Variants in BTRC observed in about 807,000 individuals in gnomAD.
BTRC encodes beta-transducin repeat containing E3 ubiquitin protein ligase.
In BTRC, 42 loss-of-function variants were observed where a neutral mutation model predicts 85.5. The observed-to-expected ratio is 0.49, with a 90% CI of 0.38 to 0.64. BTRC has a LOEUF of 0.64. Ranked by LOEUF, BTRC falls within the 30% of genes least tolerant of loss-of-function variation. BTRC has a pLI of 0.00. For synonymous variants in BTRC, 255 were observed against 263.3 expected, an observed-to-expected ratio of 0.97 and a Z score of 0.30; for missense variants, 594 against 743.5, an observed-to-expected ratio of 0.80 and a Z score of 2.34.
chr10:101,459,064 A>T (rs1048171515), intron 2 of BTRC, among the ~76,000 whole-genome samples: 5 of 152,304 alleles, frequency 3.3e-5, no homozygotes, highest in African/African-American at 1.2e-4. Flanking sequence ...CCTCCTGAGC[A>T]GCTGGGATTA....
intron 6 of BTRC, among the ~76,000 whole-genome samples, chr10:101,526,804 C>CT (rs752378644): frequency 2.6e-5 from 4 of 152,146 alleles, no homozygotes; most frequent in Non-Finnish European, 5.9e-5. Flanking sequence ...GGAATAAGAA[C>CT]TCTAGCCATC....
At chr10:101,549,409 T>C (rs2062610591) in intron 13 of BTRC, among the ~76,000 whole-genome samples, 1 of 151,230 alleles carries the variant, frequency 6.6e-6, no homozygotes, top group Non-Finnish European at 1.5e-5. Flanking sequence ...CTAGCCTAGG[T>C]GACAAAACAA....
chr10:101,402,039 T>C (rs1943506086), intron 1 of BTRC, among the ~76,000 whole-genome samples: 1 of 152,104 alleles, frequency 6.6e-6, no homozygotes, highest in Admixed American at 6.6e-5. Context: ...TGAAAATGTT[T>C]TTATAGGAAG....
At chr10:101,516,593 GTTTATAC>G (rs1048307899) in intron 4 of BTRC, among the ~76,000 whole-genome samples, 4 of 152,176 alleles carry the variant, frequency 2.6e-5, no homozygotes, top group African/African-American at 7.2e-5. Context: ...TGAAATCTCA[GTTTATAC>G]TTTATGTCTA....
intron 1 of BTRC, among the ~76,000 whole-genome samples, chr10:101,405,254 A>G (rs113202450): frequency 2.1e-5 from 3 of 144,454 alleles, no homozygotes; most frequent in African/African-American, 7.6e-5. Context: ...AGGCTAGAGG[A>G]AAAAAAAAAA....
At chr10:101,423,571 G>A (rs1403005784) in intron 1 of BTRC, among the ~76,000 whole-genome samples, 1 of 152,164 alleles carries the variant, frequency 6.6e-6, no homozygotes, top group African/African-American at 2.4e-5. Flanking sequence ...TAAACTACTT[G>A]AGTCTGTGGA....
intron 1 of BTRC, among the ~76,000 whole-genome samples, chr10:101,380,339 A>AT (rs778286699): frequency 6.6e-5 from 10 of 152,212 alleles, no homozygotes; most frequent in African/African-American, 1.7e-4. Context: ...CATCCAGATC[A>AT]TGTGTCTCTT....
At chr10:101,384,390 G>A (rs913834820) in intron 1 of BTRC, among the ~76,000 whole-genome samples, 18 of 152,204 alleles carry the variant, frequency 1.2e-4, no homozygotes, top group African/African-American at 4.1e-4. Flanking sequence ...TTCACGCCCT[G>A]ATTAGTGCCA....
chr10:101,415,531 G>T (rs369406818), intron 1 of BTRC, among the ~76,000 whole-genome samples: 21,150 of 30,562 alleles, frequency 0.69, 7,126 homozygotes, highest in African/African-American at 0.78. Context: ...GTTATGTTAT[G>T]TTATGTTATG....
chr10:101,415,145 G>A (rs533134326), intron 1 of BTRC, among the ~76,000 whole-genome samples: 11 of 151,872 alleles, frequency 7.2e-5, no homozygotes, highest in African/African-American at 2.4e-4. Flanking sequence ...TCCATTCATG[G>A]TTAAGTGCCC....
chr10:101,498,972 A>C (rs908548882), intron 4 of BTRC, among the ~76,000 whole-genome samples: 2 of 152,048 alleles, frequency 1.3e-5, no homozygotes, highest in Non-Finnish European at 1.5e-5. Flanking sequence ...CAGCCTGGGC[A>C]ACAAGAGCGA....
chr10:101,431,401 G>T (rs1350458867), intron 2 of BTRC, among the ~76,000 whole-genome samples: 1 of 152,002 alleles, frequency 6.6e-6, no homozygotes, highest in East Asian at 1.9e-4. Flanking sequence ...TAGAGGCCAG[G>T]ATGTCAGTTC....
intron 3 of BTRC, among the ~76,000 whole-genome samples, chr10:101,465,524 A>G (rs1945350526): frequency 6.6e-6 from 1 of 152,196 alleles, no homozygotes; most frequent in African/African-American, 2.4e-5. Flanking sequence ...CCTGATGTCT[A>G]TTAAATAAAT....
At chr10:101,378,520 A>ATTTTTT (rs368968037) in intron 1 of BTRC, among the ~76,000 whole-genome samples, 2 of 97,064 alleles carry the variant, frequency 2.1e-5, no homozygotes, top group Admixed American at 1.2e-4. Flanking sequence ...CCCAATTATA[A>ATTTTTT]TTTTTTTTTT....
chr10:101,510,196 C>T (rs534944978), intron 4 of BTRC, among the ~76,000 whole-genome samples: 5 of 151,772 alleles, frequency 3.3e-5, no homozygotes, highest in South Asian at 2.1e-4. Context: ...GGAAAATAAT[C>T]GGAAAAAGAT....
intron 3 of BTRC, among the ~76,000 whole-genome samples, chr10:101,466,234 T>G (rs1356308539): frequency 6.6e-6 from 1 of 152,174 alleles, no homozygotes; most frequent in Non-Finnish European, 1.5e-5. Context: ...CTTACCATCC[T>G]GAGAACGTGG....
At chr10:101,504,750 C>A (rs933397596) in intron 4 of BTRC, among the ~76,000 whole-genome samples, 1 of 151,654 alleles carries the variant, frequency 6.6e-6, no homozygotes. Context: ...TCCTCCCCTC[C>A]TTTCAGCTCC....
chr10:101,397,047 A>G (rs986878075), intron 1 of BTRC, among the ~76,000 whole-genome samples: 4 of 151,938 alleles, frequency 2.6e-5, no homozygotes, highest in Admixed American at 2.0e-4. Context: ...CAGGTGATCC[A>G]CTCGCCTCGG....
chr10:101,532,133 A>G (rs1188613474), intron 7 of BTRC, among the ~76,000 whole-genome samples, 162 bp from the exon 8 acceptor site: 1 of 152,078 alleles, frequency 6.6e-6, no homozygotes, highest in Non-Finnish European at 1.5e-5. Context: ...AGAATATTTT[A>G]TAAATATAGA....
Sources: gnomAD v4.1 joint callset for allele counts (sites outside exome capture counted in the v4.1 genomes callset) on GRCh38, gnomAD v4.1.1 for gene constraint, MANE v1.5 for transcripts, NCBI Gene and HGNC (gene_info 2026-07-23, HGNC 2026-07-21) for gene names.